PPP2R2C: variants seen among roughly 807,000 people sequenced by gnomAD.
The protein encoded by PPP2R2C is protein phosphatase 2, regulatory subunit B, gamma.
Under a neutral mutation model 45.3 loss-of-function variants are expected in PPP2R2C, and 10 were observed. The observed-to-expected ratio is 0.22, with a 90% CI of 0.14 to 0.37. The LOEUF is 0.37. PPP2R2C is among the 10% of genes least tolerant of loss of function. The probability of loss-of-function intolerance (pLI) is 1.00; values close to 1 mark genes in which losing one functional copy is unlikely to be tolerated. For synonymous variants in PPP2R2C, 257 were observed against 245.4 expected, an observed-to-expected ratio of 1.05 and a Z score of -0.44; for missense variants, 308 against 619.7, an observed-to-expected ratio of 0.50 and a Z score of 5.34.
chr4:6,439,408 C>T (rs1020617667), intron 1 of PPP2R2C, among the ~76,000 whole-genome samples: 1 of 152,170 alleles, frequency 6.6e-6, no homozygotes, highest in Non-Finnish European at 1.5e-5. Context: ...AAATGAGACA[C>T]GGATTAAAAG....
intron 2 of PPP2R2C, among the ~76,000 whole-genome samples, chr4:6,513,298 G>A (rs1560596111): frequency 6.6e-6 from 1 of 152,156 alleles, no homozygotes; most frequent in Admixed American, 6.5e-5. Flanking sequence ...CCTGGAATAC[G>A]ATGGAGTCAG....
At chr4:6,407,150 G>A (rs1461663196) in intron 1 of PPP2R2C, among the ~76,000 whole-genome samples, 1 of 152,352 alleles carries the variant, frequency 6.6e-6, no homozygotes. Flanking sequence ...AACAGGAAGA[G>A]TGTAAGTTTC....
intron 1 of PPP2R2C, among the ~76,000 whole-genome samples, chr4:6,465,930 T>C (rs376357578): frequency 2.6e-5 from 4 of 151,110 alleles, no homozygotes; most frequent in African/African-American, 7.2e-5. Context: ...AAAGGAACTA[T>C]AGGTGCCCTC....
At chr4:6,411,561 T>C (rs1485183113) in intron 1 of PPP2R2C, among the ~76,000 whole-genome samples, 3 of 151,494 alleles carry the variant, frequency 2.0e-5, no homozygotes, top group African/African-American at 4.8e-5. Flanking sequence ...TTTCTTTTTT[T>C]TTTTTTTTTG....
At chr4:6,483,145 TGATTGATTGATA>T (rs1722419443) in intron 2 of PPP2R2C, among the ~76,000 whole-genome samples, 1 of 103,514 alleles carries the variant, frequency 9.7e-6, no homozygotes, top group African/African-American at 4.5e-5. Flanking sequence ...ATAGATAGAT[TGATTGATTGATA>T]GATAGACGAT....
chr4:6,429,245 G>A (rs573739197), intron 1 of PPP2R2C, among the ~76,000 whole-genome samples: 20 of 152,220 alleles, frequency 1.3e-4, no homozygotes, highest in Admixed American at 5.2e-4. Flanking sequence ...TCCTGACCGT[G>A]ACGCTGCCAT....
chr4:6,478,626 G>A (rs1722246341), intron 2 of PPP2R2C, among the ~76,000 whole-genome samples: 1 of 152,198 alleles, frequency 6.6e-6, no homozygotes, highest in African/African-American at 2.4e-5. Flanking sequence ...TCACCTACCT[G>A]CCTGCTACCT....
rs946685633 is a variant in PPP2R2C, at chr4:6,378,962, T to G, written c.169-390A>C. ...AGCAAACAGAGACTCAGAGGGGAAG[T>G]GACTTCCCAGAGCCGTGAGGTCACT... On this transcript the variant is annotated intron_variant, in intron 2 of 8. Coordinates refer to ENST00000382599, the MANE Select transcript of PPP2R2C (RefSeq NM_020416.4). The surrounding 1 kb of genome is among the most constrained non-coding windows in gnomAD (Gnocchi z 5.2). Among the ~76,000 whole-genome samples the G allele has an allele frequency of 6.6e-6, 1 of 151,756 alleles. No individual in the cohort carries two copies. Among genetic ancestry groups the G allele is most frequent in the Non-Finnish European group, 1.5e-5 (1 of 67,952 alleles).
intron 1 of PPP2R2C, among the ~76,000 whole-genome samples, chr4:6,424,540 C>T (rs1440984191): frequency 6.6e-6 from 1 of 152,128 alleles, no homozygotes; most frequent in Non-Finnish European, 1.5e-5. Flanking sequence ...GCTGGGGAGA[C>T]CTGTGGATAC....
intron 1 of PPP2R2C, among the ~76,000 whole-genome samples, chr4:6,396,481 G>T (rs906045173): frequency 6.6e-6 from 1 of 152,204 alleles, no homozygotes; most frequent in Non-Finnish European, 1.5e-5. Context: ...GGGTTATCGG[G>T]CTCCTTTCCT....
Position 6,345,768 on chromosome 4 carries a change from G to A in PPP2R2C, c.790+2078C>T, listed in dbSNP as rs1017665101. Among the ~76,000 whole-genome samples the A allele has an allele frequency of 2.0e-5, 3 of 152,124 alleles. No individual in the cohort carries two copies. Among genetic ancestry groups the A allele is most frequent in the Non-Finnish European group, 2.9e-5 (2 of 68,016 alleles). Reference sequence around the variant, plus strand: ...TATGCCCTGTTTTCAGCCACCAAGTGTGTGGTCCTTTGTTGTGGCGCACAG... The same window carrying A: ...TATGCCCTGTTTTCAGCCACCAAGTATGTGGTCCTTTGTTGTGGCGCACAG... On this transcript the variant is annotated intron_variant, in intron 6 of 8. Transcript: ENST00000382599. This position sits in a 1 kb window ranked among gnomAD's most constrained non-coding sequence, Gnocchi z 5.3.
At chr4:6,508,192 G>C (rs1723300062) in intron 2 of PPP2R2C, among the ~76,000 whole-genome samples, 1 of 152,236 alleles carries the variant, frequency 6.6e-6, no homozygotes, top group Admixed American at 6.5e-5. Flanking sequence ...AGGAATGTCA[G>C]GTGACCATCA....
chr4:6,447,806 C>T (rs976511125), intron 1 of PPP2R2C, among the ~76,000 whole-genome samples: 1 of 152,134 alleles, frequency 6.6e-6, no homozygotes, highest in South Asian at 2.1e-4. Flanking sequence ...CGTTTTCTCC[C>T]GTGCCTCAGC....
intron 4 of PPP2R2C, among the ~76,000 whole-genome samples, chr4:6,374,499 A>C (rs898611197): frequency 1.1e-4 from 17 of 152,238 alleles, no homozygotes; most frequent in African/African-American, 4.1e-4. Context: ...GTCGGATCCA[A>C]AAGGCAAGAG....
chr4:6,518,922 T>TTAAAAAAAAAAAAAA (rs1354788203), intron 2 of PPP2R2C, among the ~76,000 whole-genome samples: 2 of 92,902 alleles, frequency 2.2e-5, no homozygotes, highest in African/African-American at 1.2e-4. Flanking sequence ...GACTCTGTCT[T>TTAAAAAAAAAAAAAA]AAAAAAAAAA....
chr4:6,368,041 G>T lies in PPP2R2C; in HGVS notation c.625+4482C>A, dbSNP rs919079190. ...TTCACAGAATGGGAAGTTACACAGA[G>T]ATCTGACACTGAGTTACACGGCAGG... On this transcript the variant is annotated intron_variant, in intron 5 of 8. Coordinates refer to ENST00000382599, the MANE Select transcript of PPP2R2C (RefSeq NM_020416.4). The surrounding 1 kb of genome is among the most constrained non-coding windows in gnomAD (Gnocchi z 4.2). Among the ~76,000 whole-genome samples the T allele has an allele frequency of 6.6e-6, 1 of 152,144 alleles. No individual in the cohort carries two copies. Among genetic ancestry groups the T allele is most frequent in the African/African-American group, 2.4e-5 (1 of 41,430 alleles).
intron 5 of PPP2R2C, among the ~76,000 whole-genome samples, chr4:6,355,603 T>A (rs1713099027): frequency 7.0e-6 from 1 of 143,522 alleles, no homozygotes; most frequent in African/African-American, 2.6e-5. Context: ...GTGTGAGGGG[T>A]TTTTTAGGAG....
chr4:6,373,542 A>G (rs16838658), intron 4 of PPP2R2C, among the ~76,000 whole-genome samples: 37,016 of 152,064 alleles, frequency 0.24, 5,567 homozygotes, highest in African/African-American at 0.41. Context: ...CTACGGGAGC[A>G]AGGCGTCACC....
intron 2 of PPP2R2C, among the ~76,000 whole-genome samples, chr4:6,516,252 C>T (rs1723824895): frequency 6.6e-6 from 1 of 152,260 alleles, no homozygotes; most frequent in South Asian, 2.1e-4. Flanking sequence ...GTCCTCCACA[C>T]ATCCCCAGAA....
Sources: gnomAD v4.1 joint callset for allele counts (sites outside exome capture counted in the v4.1 genomes callset) on GRCh38, gnomAD v4.1.1 for gene constraint, Gnocchi (gnomAD v3.1) non-coding constraint, MANE v1.5 for transcripts, NCBI Gene and HGNC (gene_info 2026-07-23, HGNC 2026-07-21) for gene names.